The following BEST2 variants were observed in gnomAD, a reference collection of about 807,000 sequenced individuals.
BEST2 encodes the protein bestrophin-2a.
A neutral mutation model predicts 49.0 loss-of-function variants in BEST2; 36 were observed. The ratio of observed to expected loss-of-function variants is 0.73; its 90% CI spans 0.56 to 0.97. The LOEUF is 0.97. Ranked by LOEUF, BEST2 falls within the 50% of genes least tolerant of loss-of-function variation. The probability of loss-of-function intolerance (pLI) is 0.00; values close to 1 mark genes in which losing one functional copy is unlikely to be tolerated. For missense variants in BEST2, 672 were observed against 710.0 expected, an observed-to-expected ratio of 0.95 and a Z score of 0.61; for synonymous variants, 335 against 304.4, an observed-to-expected ratio of 1.10 and a Z score of -1.05.
At position 12,752,756 on chromosome 19, in the gene BEST2, C is replaced by T; in HGVS notation, c.152+12C>T. The T allele has an allele frequency of 6.2e-7, 1 of 1,606,176 alleles. No homozygotes were observed. The highest frequency in any genetic ancestry group is 1.3e-5 in the African/African-American group (1 of 74,676). ...AGTGCTGCCTACCGGTGAGGCTGCC[C>T]TGAGGTGCTCATGTTCTAGCGGAGG... is the stretch of plus-strand genomic sequence containing the variant. On this transcript the variant is annotated intron_variant, in intron 2 of 9. Coordinates refer to ENST00000553030, the MANE Select transcript of BEST2 (RefSeq NM_017682.3).
At position 12,755,025 on chromosome 19, in the gene BEST2, G is replaced by A. The variant is rs1599458143; in HGVS notation, c.630G>A (p.Leu210=). The part of the protein sequence containing the change: ...RIRDNSALKL[L]LEELNVFRGK... Reference sequence around the variant, plus strand: ...GCGACAACAGCGCCCTTAAGCTGCTGCTCGAGGTGGGCCCAACCAGGAGGT... The same window carrying A: ...GCGACAACAGCGCCCTTAAGCTGCTACTCGAGGTGGGCCCAACCAGGAGGT... The change falls in exon 5 of 10, where the codon CTG becomes CTA. Residue 210 remains leucine (L), a synonymous_variant. Transcript: ENST00000553030. This position sits in a 1 kb window ranked among gnomAD's most constrained non-coding sequence, Gnocchi z 4.4. The A allele has an allele frequency of 1.9e-6, 3 of 1,600,392 alleles. No homozygotes were observed. Among genetic ancestry groups the A allele is most frequent in the Non-Finnish European group, 2.6e-6 (3 of 1,175,560 alleles).
rs1211026101 is a variant in BEST2 at position 12,755,885 on chromosome 19, G to C, written c.898G>C (p.Glu300Gln). 1 of 1,614,102 alleles carries C rather than the reference G, an allele frequency of 6.2e-7. No individual in the cohort carries two copies. Among genetic ancestry groups the C allele is most frequent in the Non-Finnish European group, 8.5e-7 (1 of 1,180,048 alleles). ...VAEQLINPFG[E>Q]DDDDFETNFL... ...TGAGCAGCTCATCAACCCCTTCGGA[G>C]AGGACGATGATGACTTTGAGACCAA... The change falls in exon 8 of 10, where the codon GAG becomes CAG. Residue 300 changes from glutamate to glutamine, a missense_variant. Glu to Gln is a conservative substitution (Grantham distance 29). Transcript: ENST00000553030. The surrounding 1 kb of genome is among the most constrained non-coding windows in gnomAD (Gnocchi z 4.4).
In BEST2 at chr19:12,753,257, C is replaced by A; in HGVS notation, c.153-3C>A. 6.2e-7 allele frequency: 1 copy of A among 1,614,142 alleles called. No individual in the cohort carries two copies. Among genetic ancestry groups the A allele is most frequent in the Non-Finnish European group, 8.5e-7 (1 of 1,179,972 alleles). The stretch of plus-strand genomic sequence containing the variant: ...CCTGTGACCCCTCATCTCTATCCCG[C>A]AGCTTTGTGCTGACCGAAGGGCAGA... On this transcript the variant is annotated splice_polypyrimidine_tract_variant and splice_region_variant and intron_variant, in intron 2 of 9. Coordinates refer to ENST00000553030, the MANE Select transcript of BEST2 (RefSeq NM_017682.3).
intron 1 of BEST2, 78 bp downstream of exon 1, chr19:12,751,917 C>G (rs945456550): frequency 6.6e-6 from 1 of 152,558 alleles, no homozygotes; most frequent in Non-Finnish European, 1.5e-5. Context: ...CATCCGGAGT[C>G]CTCCCGGGGC....
chr19:12,756,700 A>T, intron 9 of BEST2: 1 of 209,326 alleles, frequency 4.8e-6, no homozygotes, highest in South Asian at 7.2e-5. Context: ...ATAAAAAATT[A>T]GCCAAGCGTG....
intron 8 of BEST2, 71 bp from the exon 9 acceptor site, chr19:12,756,070 C>T (rs887764773): frequency 3.1e-5 from 49 of 1,604,394 alleles, no homozygotes; most frequent in East Asian, 4.5e-5. Flanking sequence ...CCCACCCACC[C>T]GAAGGGGTCC....
intron 8 of BEST2, 26 bp from the exon 9 acceptor site, chr19:12,756,114 CT>C (rs768800706): frequency 6.2e-6 from 10 of 1,614,006 alleles, no homozygotes; most frequent in Non-Finnish European, 7.6e-6. Flanking sequence ...CCTGCCCCCA[CT>C]TTACCCTGTG....
chr19:12,756,658 G>A, intron 9 of BEST2: 2 of 246,294 alleles, frequency 8.1e-6, no homozygotes, highest in East Asian at 1.0e-4. Context: ...ACCAGCCTGG[G>A]CAACATAGTG....
chr19:12,755,680 G>A lies in BEST2; in HGVS notation c.780G>A (p.Pro260=), dbSNP rs540027410. The stretch of plus-strand genomic sequence containing the variant: ...TCATTGGTCGCCAGTTCCTGGACCC[G>A]GCTCAGGGTTACAAAGACCACGACC... ...ACLIGRQFLD[P]AQGYKDHDLD... The change falls in exon 7 of 10, where the codon CCG becomes CCA. Residue 260 remains proline, a synonymous_variant. Transcript: ENST00000553030. The surrounding 1 kb of genome is among the most constrained non-coding windows in gnomAD (Gnocchi z 4.4). 2.2e-5 allele frequency: 35 copies of A among 1,613,934 alleles called. No homozygotes were observed. The highest frequency in any genetic ancestry group is 1.6e-4 in the Middle Eastern group (1 of 6,084).
chr19:12,752,725 G>A lies in BEST2; in HGVS notation c.133G>A (p.Ala45Thr), dbSNP rs1297172840. The change falls in exon 2 of 10, where the codon GCG becomes ACG. Residue 45 changes from alanine to threonine, a missense_variant. Transcript: ENST00000553030. ...ELLCFLGFYM[A>T]LSAAYRFVLT... ...GCTCTGCTTCCTTGGGTTCTACATG[G>A]CGCTGAGTGCTGCCTACCGGTGAGG... 6.2e-7 allele frequency: 1 copy of A among 1,612,092 alleles called. No homozygotes were observed. Among genetic ancestry groups the A allele is most frequent in the Non-Finnish European group, 8.5e-7 (1 of 1,179,728 alleles).
chr19:12,754,041 T>G (rs1270759071), intron 3 of BEST2, among the ~76,000 whole-genome samples: 1 of 143,224 alleles, frequency 7.0e-6, no homozygotes, highest in Non-Finnish European at 1.5e-5. Flanking sequence ...AAGTAGCCAG[T>G]GACCCAAAGG....
Position 12,754,867 on chromosome 19 carries a change from T to C in BEST2, c.482-10T>C. ...CAAGGGGCGAGCTATCCCTGACCCC[T>C]TTCCTCCAGGGTTTATGACCCGCGA... On this transcript the variant is annotated splice_polypyrimidine_tract_variant and intron_variant, in intron 4 of 9. Transcript: ENST00000553030. 1 of 1,609,580 alleles carries C rather than the reference T, an allele frequency of 6.2e-7. No homozygotes were observed.
In BEST2 at chr19:12,757,616, G is replaced by A. The variant is rs750662445; in HGVS notation, c.1104-35G>A. ...GGACCCTGCTCTGTCAACAAGAGGC[G>A]AGGCCGCAGCGCTGGCCCACTGTCG... On this transcript the variant is annotated intron_variant, in intron 9 of 9. Coordinates refer to ENST00000553030, the MANE Select transcript of BEST2 (RefSeq NM_017682.3). The A allele has an allele frequency of 1.6e-5, 25 of 1,517,616 alleles. No individual in the cohort carries two copies. The East Asian group carries it at 5.4e-4, about 33-fold the overall frequency. The allele number at this position is 1,517,616 out of a possible 1,614,324, so 94.0% of individuals were successfully genotyped here.
intron 2 of BEST2, among the ~76,000 whole-genome samples, 198 bp downstream of exon 2, chr19:12,752,942 G>A (rs924259210): frequency 1.1e-4 from 17 of 148,826 alleles, no homozygotes; most frequent in African/African-American, 3.2e-4. Context: ...TCTGCCTCCC[G>A]GGTTCAAGCG....
Position 12,755,789 on chromosome 19 carries a change from G to A in BEST2, c.867+22G>A. The stretch of plus-strand genomic sequence containing the variant: ...CAAGGTAGGTGGGTGATCCAGGCTG[G>A]AATTTCGTGGGTGGGGCGGGCATGG... On this transcript the variant is annotated intron_variant, in intron 7 of 9. Coordinates refer to ENST00000553030, the MANE Select transcript of BEST2 (RefSeq NM_017682.3). This position sits in a 1 kb window ranked among gnomAD's most constrained non-coding sequence, Gnocchi z 4.4. 1.9e-6 allele frequency: 3 copies of A among 1,613,274 alleles called. No homozygotes were observed. The highest frequency in any genetic ancestry group is 2.5e-6 in the Non-Finnish European group (3 of 1,179,304).
In BEST2 at chr19:12,758,005, G is replaced by T; in HGVS notation, c.1458G>T (p.Met486Ile). 1 of 1,612,742 alleles carries T rather than the reference G, an allele frequency of 6.2e-7. No individual in the cohort carries two copies. The highest frequency in any genetic ancestry group is 8.5e-7 in the Non-Finnish European group (1 of 1,179,858). Residue 486 changes from methionine (M) to isoleucine (I), a missense_variant, in exon 10 of 10, where the codon ATG becomes ATT. Met to Ile is a conservative substitution (Grantham distance 10). This residue lies in a region of BEST2 where 291 missense variants were observed against 279.8 expected (regional missense o/e 1.04). Transcript: ENST00000553030. ...TCGAGCCCTTCAGCATCGTGACCAT[G>T]CCCGGGCCCCGGGGTCCGGCGCCAC... ...GPVEPFSIVT[M>I]PGPRGPAPPW... is the part of the protein sequence containing the mutation.
intron 2 of BEST2, 62 bp downstream of exon 2, chr19:12,752,806 A>T (rs1967886872): frequency 8.3e-6 from 9 of 1,085,410 alleles, no homozygotes; most frequent in Admixed American, 4.4e-5. Flanking sequence ...TATATATATA[A>T]TATATAAAAA....
intron 9 of BEST2, among the ~76,000 whole-genome samples, chr19:12,757,041 G>A (rs546205183): frequency 5.9e-5 from 9 of 152,254 alleles, no homozygotes; most frequent in East Asian, 1.9e-4. Context: ...TAATCGGGAG[G>A]CTGAGGCAGG....
chr19:12,755,330 T>C lies in BEST2; in HGVS notation c.637-49T>C, dbSNP rs200938490. 1.0e-4 allele frequency: 159 copies of C among 1,578,230 alleles called. No homozygotes were observed. The highest frequency in any genetic ancestry group is 6.7e-4 in the Middle Eastern group (4 of 6,010). On this transcript the variant is annotated intron_variant, in intron 5 of 9. Transcript: ENST00000553030. The surrounding 1 kb of genome is among the most constrained non-coding windows in gnomAD (Gnocchi z 4.4). ...CCCACGTACCTACACTTAATATCCC[T>C]GTGTGAGCTCACCATTCAGGCCTCC...
Sources: allele counts gnomAD v4.1 joint callset (sites outside exome capture counted in the v4.1 genomes callset), GRCh38; gene constraint gnomAD v4.1.1; regional missense constraint gnomAD v4.1.1; non-coding constraint Gnocchi (gnomAD v3.1); transcripts MANE v1.5; gene names NCBI Gene and HGNC (gene_info 2026-07-23, HGNC 2026-07-21).